Variants in TTLL11 observed in about 807,000 individuals in gnomAD.
The protein encoded by TTLL11 is tubulin tyrosine ligase like 11, also known as tubulin polyglutamylase TTLL11.
TTLL11 carries 42 observed loss-of-function variants against 51.7 expected under a neutral mutation model. That is an observed-to-expected ratio of 0.81 (90% CI 0.64 to 1.05). The LOEUF is 1.05. TTLL11 is among the 50% of genes least tolerant of loss of function. TTLL11 has a pLI of 0.00. For synonymous variants in TTLL11, 381 were observed against 383.5 expected (o/e 0.99, Z 0.08); for missense variants, 799 against 940.4 (o/e 0.85, Z 1.97).
At chr9:121,932,831 C>G (rs546564031) in intron 6 of TTLL11, among the ~76,000 whole-genome samples, 5 of 151,880 alleles carry the variant, frequency 3.3e-5, no homozygotes, top group Admixed American at 6.6e-5. Context: ...ATGGCAGATG[C>G]GAAAAATAAG....
chr9:121,878,555 G>A (rs60192745), intron 6 of TTLL11, among the ~76,000 whole-genome samples: 3,556 of 152,202 alleles, frequency 0.023, 126 homozygotes, highest in African/African-American at 0.08. Flanking sequence ...TTTCCTGCAG[G>A]GCCAGGCGAC....
intron 4 of TTLL11, among the ~76,000 whole-genome samples, chr9:121,976,393 C>T (rs1170851164): frequency 6.6e-6 from 1 of 152,202 alleles, no homozygotes; most frequent in Non-Finnish European, 1.5e-5. Context: ...ATCGCTGCCC[C>T]TAATGAGATT....
intron 1 of TTLL11, among the ~76,000 whole-genome samples, chr9:122,070,477 T>G (rs1845699084): frequency 1.3e-5 from 2 of 151,930 alleles, no homozygotes; most frequent in African/African-American, 2.4e-5. Context: ...CCACCTGAGG[T>G]ACCTTGTCCC....
chr9:121,919,846 CTA>C, intron 6 of TTLL11, among the ~76,000 whole-genome samples: 1 of 98,148 alleles, frequency 1.0e-5, no homozygotes. Context: ...ACCCTCATCT[CTA>C]AAAAAAAAAA....
At chr9:121,898,666 G>A (rs556659909) in intron 6 of TTLL11, among the ~76,000 whole-genome samples, 1 of 152,314 alleles carries the variant, frequency 6.6e-6, no homozygotes, top group South Asian at 2.1e-4. Context: ...CCTGGGCATG[G>A]CACTTAATGG....
chr9:121,983,294 T>C (rs1232468186), intron 4 of TTLL11, among the ~76,000 whole-genome samples: 1 of 152,186 alleles, frequency 6.6e-6, no homozygotes, highest in Non-Finnish European at 1.5e-5. Context: ...GTCAAGAGCT[T>C]GACTTTGGAC....
At position 121,989,612 on chromosome 9, in the gene TTLL11, G is replaced by A; in HGVS notation, c.852C>T (p.Tyr284=). Residue 284 remains tyrosine, a synonymous_variant, in exon 4 of 9, where the codon TAC becomes TAT. Coordinates refer to ENST00000321582, the MANE Select transcript of TTLL11 (RefSeq NM_001139442.2). The surrounding 1 kb of genome is among the most constrained non-coding windows in gnomAD (Gnocchi z 4.2). Reference sequence around the variant, plus strand: ...TGTCGATAAGGAGAGGTTTGCAGATGTACTCCTGGACCACCGCTGGCCTGC... The same window carrying A: ...TGTCGATAAGGAGAGGTTTGCAGATATACTCCTGGACCACCGCTGGCCTGC... The part of the protein sequence containing the change: ...LQSRPAVVQE[Y]ICKPLLIDKL... 1 of 1,614,064 alleles carries A rather than the reference G, an allele frequency of 6.2e-7. No individual in the cohort carries two copies. Among genetic ancestry groups the A allele is most frequent in the South Asian group, 1.1e-5 (1 of 91,060 alleles).
At chr9:121,839,474 G>A (rs1479982978) in intron 8 of TTLL11, among the ~76,000 whole-genome samples, 3 of 152,194 alleles carry the variant, frequency 2.0e-5, no homozygotes, top group Non-Finnish European at 4.4e-5. Flanking sequence ...TTTCTACCCT[G>A]CCCGGCTCTG....
chr9:121,940,188 T>G lies in TTLL11; in HGVS notation c.1481+33821A>C, dbSNP rs556402785. The stretch of plus-strand genomic sequence containing the variant: ...AGGGCTTGTAATAGCTGTGTTATAT[T>G]TTTTGAATCTTGTTTGATTCATAGT... On this transcript the variant is annotated intron_variant, in intron 6 of 8. Transcript: ENST00000321582. 1.2e-4 allele frequency among the ~76,000 whole-genome samples: 19 copies of G among 152,310 alleles called. No homozygotes were observed. In the South Asian group the frequency reaches 3.9e-3, roughly 32 times the overall value.
intron 6 of TTLL11, among the ~76,000 whole-genome samples, chr9:121,917,792 T>C (rs1350873601): frequency 1.3e-5 from 2 of 152,154 alleles, no homozygotes; most frequent in East Asian, 3.8e-4. Flanking sequence ...TACATTTAAA[T>C]TCTTACATTG....
At chr9:121,954,393 G>A (rs538271176) in intron 6 of TTLL11, among the ~76,000 whole-genome samples, 19 of 152,310 alleles carry the variant, frequency 1.2e-4, no homozygotes, top group African/African-American at 1.9e-4. Context: ...CACCAAAGAT[G>A]CTAGCAATGA....
chr9:121,828,771 T>G (rs2119118449), intron 8 of TTLL11, among the ~76,000 whole-genome samples: 1 of 152,236 alleles, frequency 6.6e-6, no homozygotes, highest in Middle Eastern at 3.4e-3. Flanking sequence ...AATGTAAGGT[T>G]AGTTTAGTAA....
chr9:121,983,736 A>G (rs997038797), intron 4 of TTLL11, among the ~76,000 whole-genome samples: 3 of 152,058 alleles, frequency 2.0e-5, no homozygotes, highest in Non-Finnish European at 4.4e-5. Context: ...AGCATCCCAC[A>G]TGGACCCTCT....
Position 121,849,372 on chromosome 9 carries a change from G to C in TTLL11, c.1840+10965C>G, listed in dbSNP as rs10985421. ...TATAAAATTTTAGACACAAGACCAA[G>C]AGCAAGATTCATGAAGGAAAAAAAT... is the stretch of plus-strand genomic sequence containing the variant. On this transcript the variant is annotated intron_variant, in intron 8 of 8. Coordinates refer to ENST00000321582, the MANE Select transcript of TTLL11 (RefSeq NM_001139442.2). Among the ~76,000 whole-genome samples the C allele has an allele frequency of 4.6e-3, 697 of 152,202 alleles. 5 individuals carry two copies. Among genetic ancestry groups the C allele is most frequent in the African/African-American group, 0.016 (650 of 41,546 alleles).
intron 6 of TTLL11, among the ~76,000 whole-genome samples, chr9:121,911,564 A>C (rs1840119971): frequency 6.6e-6 from 1 of 152,258 alleles, no homozygotes; most frequent in African/African-American, 2.4e-5. Flanking sequence ...AGACTGGATA[A>C]AGAAAATGTG....
Position 121,847,078 on chromosome 9 carries a change from C to T in TTLL11, c.1840+13259G>A, listed in dbSNP as rs543986785. On this transcript the variant is annotated intron_variant, in intron 8 of 8. Coordinates refer to ENST00000321582, the MANE Select transcript of TTLL11 (RefSeq NM_001139442.2). ...ACAAAAAATTAGCCAGGCGTGGTGG[C>T]TGGCGCCTATAGTCCCAGCTACTCG... 9.9e-5 allele frequency among the ~76,000 whole-genome samples: 15 copies of T among 152,096 alleles called. No homozygotes were observed. The South Asian group carries it at 1.5e-3, about 15-fold the overall frequency.
intron 1 of TTLL11, among the ~76,000 whole-genome samples, chr9:122,048,575 T>A (rs536853526): frequency 2.8e-4 from 43 of 152,274 alleles, no homozygotes; most frequent in African/African-American, 9.6e-4. Flanking sequence ...CCAAGCCTCA[T>A]CTGAAAGACA....
intron 6 of TTLL11, among the ~76,000 whole-genome samples, chr9:121,914,614 G>T (rs761578499): frequency 5.3e-5 from 8 of 152,104 alleles, no homozygotes; most frequent in Non-Finnish European, 1.0e-4. Flanking sequence ...CTTCCTGGGC[G>T]TCTCCATGAA....
At chr9:122,078,054 C>A (rs1777177092) in intron 1 of TTLL11, among the ~76,000 whole-genome samples, 1 of 152,000 alleles carries the variant, frequency 6.6e-6, no homozygotes, top group Non-Finnish European at 1.5e-5. Flanking sequence ...TTTTTAAATA[C>A]TGCATAATAA....
Sources: allele counts gnomAD v4.1 joint callset (sites outside exome capture counted in the v4.1 genomes callset), GRCh38; gene constraint gnomAD v4.1.1; non-coding constraint Gnocchi (gnomAD v3.1); transcripts MANE v1.5; gene names NCBI Gene and HGNC (gene_info 2026-07-23, HGNC 2026-07-21).